REEP1: variants seen among roughly 807,000 people sequenced by gnomAD.
The protein encoded by REEP1 is receptor expression-enhancing protein 1.
In REEP1, 22 loss-of-function variants were observed where a neutral mutation model predicts 40.3. That is an observed-to-expected ratio of 0.55 (90% confidence interval 0.39 to 0.78). The LOEUF (loss-of-function observed/expected upper bound fraction) is 0.78. REEP1 is among the 30% of genes least tolerant of loss of function. The pLI is 0.00. For missense variants in REEP1, 280 were observed against 361.1 expected, an observed-to-expected ratio of 0.78 and a Z score of 1.82; for synonymous variants, 116 against 139.2, an observed-to-expected ratio of 0.83 and a Z score of 1.17.
chr2:86,337,405 T>C lies in REEP1; in HGVS notation c.32+74A>G, dbSNP rs1190583445. 4.8e-6 allele frequency: 5 copies of C among 1,044,494 alleles called. No homozygotes were observed. The highest frequency in any genetic ancestry group is 3.7e-5 in the East Asian group (1 of 26,888). The allele number at this position is 1,044,494 out of a possible 1,614,324, so 64.7% of individuals were successfully genotyped here. ...CCCGAGCCACTGGGACCGGGCGCTG[T>C]AGGGGCGCGCGCAGCCCGGGGCCGG... is the stretch of plus-strand genomic sequence containing the variant. On this transcript the variant is annotated intron_variant, in intron 1 of 8. Coordinates refer to ENST00000538924, the MANE Select transcript of REEP1 (RefSeq NM_001371279.1). The surrounding 1 kb of genome is among the most constrained non-coding windows in gnomAD (Gnocchi z 5.8).
chr2:86,269,696 A>G (rs1677331157), intron 2 of REEP1, among the ~76,000 whole-genome samples: 1 of 152,208 alleles, frequency 6.6e-6, no homozygotes. Context: ...ACACTAGTGC[A>G]GGACATGATG....
At chr2:86,249,925 T>C (rs1676176777) in intron 5 of REEP1, among the ~76,000 whole-genome samples, 1 of 152,252 alleles carries the variant, frequency 6.6e-6, no homozygotes, top group South Asian at 2.1e-4. Flanking sequence ...AATTTTCTCA[T>C]CTGAAACCAA....
chr2:86,318,093 C>G (rs1680104705), intron 1 of REEP1, among the ~76,000 whole-genome samples: 1 of 152,198 alleles, frequency 6.6e-6, no homozygotes, highest in Non-Finnish European at 1.5e-5. Context: ...GAAGGCGTTT[C>G]TGATGAAATC....
chr2:86,280,601 A>G (rs955045957), intron 2 of REEP1, among the ~76,000 whole-genome samples: 4 of 152,346 alleles, frequency 2.6e-5, no homozygotes, highest in East Asian at 1.9e-4. Context: ...TGCCAAGTCA[A>G]TTGAGAATCA....
intron 1 of REEP1, among the ~76,000 whole-genome samples, chr2:86,295,599 A>ACTGCAAGCTCCGCCT (rs953337274): frequency 1.3e-5 from 2 of 152,124 alleles, no homozygotes; most frequent in African/African-American, 2.4e-5. Flanking sequence ...ATCTCCACTC[A>ACTGCAAGCTCCGCCT]CTGCAAGCTC....
chr2:86,254,055 A>C (rs1489624589), intron 4 of REEP1, among the ~76,000 whole-genome samples: 1 of 152,256 alleles, frequency 6.6e-6, no homozygotes, highest in Non-Finnish European at 1.5e-5. Flanking sequence ...AATATCTAGC[A>C]GTAAGGGAAC....
intron 2 of REEP1, among the ~76,000 whole-genome samples, chr2:86,277,204 C>A (rs1375933757): frequency 2.6e-5 from 4 of 152,120 alleles, no homozygotes; most frequent in African/African-American, 9.7e-5. Flanking sequence ...GAAAGAAGAG[C>A]AGATGGAAGT....
At chr2:86,283,606 T>A (rs998035320) in intron 1 of REEP1, among the ~76,000 whole-genome samples, 1 of 152,196 alleles carries the variant, frequency 6.6e-6, no homozygotes, top group Non-Finnish European at 1.5e-5. Context: ...CACCCTGACA[T>A]TCCACAATCA....
At chr2:86,236,892 G>A (rs1046428412) in intron 5 of REEP1, among the ~76,000 whole-genome samples, 11 of 152,132 alleles carry the variant, frequency 7.2e-5, no homozygotes, top group Non-Finnish European at 1.5e-4. Flanking sequence ...CCGCCACCAC[G>A]CCTGGCTAAT....
At chr2:86,259,726 T>C (rs1676756638) in intron 3 of REEP1, among the ~76,000 whole-genome samples, 2 of 151,974 alleles carry the variant, frequency 1.3e-5, no homozygotes. Context: ...CTAAATGAAA[T>C]CACCTCTACA....
At position 86,216,874 on chromosome 2, in the gene REEP1, A is replaced by C; in HGVS notation, c.*165T>G. 2 of 597,200 alleles carry C rather than the reference A, an allele frequency of 3.3e-6. No individual in the cohort carries two copies. The highest frequency in any genetic ancestry group is 2.9e-6 in the Non-Finnish European group (1 of 339,820). 37.0% of individuals were successfully genotyped at this position (597,200 alleles called of 1,614,324 possible). The stretch of plus-strand genomic sequence containing the variant: ...CCCCAGCAAAATAAAGAAAAGGGGG[A>C]AAAAAATAAATCCTTAAAAGTGGAA... On this transcript the variant is annotated 3_prime_UTR_variant, in exon 9 of 9. Coordinates refer to ENST00000538924, the MANE Select transcript of REEP1 (RefSeq NM_001371279.1).
intron 1 of REEP1, among the ~76,000 whole-genome samples, chr2:86,284,642 G>T (rs1340560507): frequency 6.6e-6 from 1 of 152,234 alleles, no homozygotes; most frequent in African/African-American, 2.4e-5. Context: ...ACCCATGTCT[G>T]CCAGGATGGT....
chr2:86,304,396 G>A (rs1210889112), intron 1 of REEP1, among the ~76,000 whole-genome samples: 3 of 152,132 alleles, frequency 2.0e-5, no homozygotes, highest in Admixed American at 6.5e-5. Context: ...TCAGCTGCCC[G>A]AACTCTGTTG....
At chr2:86,270,178 T>A (rs201215336) in intron 2 of REEP1, among the ~76,000 whole-genome samples, 1 of 36,390 alleles carries the variant, frequency 2.7e-5, no homozygotes, top group Non-Finnish European at 5.4e-5. Context: ...TTCTTTTGTT[T>A]GTTTGTTTGT....
At chr2:86,310,769 G>A (rs924388495) in intron 1 of REEP1, among the ~76,000 whole-genome samples, 9 of 151,752 alleles carry the variant, frequency 5.9e-5, no homozygotes, top group Non-Finnish European at 1.0e-4. Flanking sequence ...AACAATGTAC[G>A]GTGTATAGAG....
chr2:86,300,139 G>C (rs1411626000), intron 1 of REEP1, among the ~76,000 whole-genome samples: 1 of 152,208 alleles, frequency 6.6e-6, no homozygotes, highest in Admixed American at 6.5e-5. Context: ...ATCCCACGCA[G>C]GCTGGTCCAG....
At chr2:86,246,640 A>G (rs1382348744) in intron 5 of REEP1, among the ~76,000 whole-genome samples, 1 of 150,990 alleles carries the variant, frequency 6.6e-6, no homozygotes, top group Admixed American at 6.6e-5. Context: ...TGGTTTTAAA[A>G]TTTTTGTTCA....
At chr2:86,220,672 A>G (rs1674365723) in intron 7 of REEP1, among the ~76,000 whole-genome samples, 1 of 151,366 alleles carries the variant, frequency 6.6e-6, no homozygotes, top group African/African-American at 2.4e-5. Flanking sequence ...GCCTTAAGTG[A>G]TAACCTTAAA....
chr2:86,251,903 G>C, intron 5 of REEP1, 54 bp downstream of exon 5: 3 of 1,213,028 alleles, frequency 2.5e-6, no homozygotes, highest in Non-Finnish European at 3.7e-6. Context: ...GTGATGAGCA[G>C]GGCACACTAG....
Sources: allele counts gnomAD v4.1 joint callset (sites outside exome capture counted in the v4.1 genomes callset), GRCh38; gene constraint gnomAD v4.1.1; non-coding constraint Gnocchi (gnomAD v3.1); transcripts MANE v1.5; gene names NCBI Gene and HGNC (gene_info 2026-07-23, HGNC 2026-07-21).